Variants in ANKS1B observed in about 807,000 individuals in gnomAD.
ANKS1B encodes ankyrin repeat and sterile alpha motif domain containing 1B.
In ANKS1B, 36 loss-of-function variants were observed where a neutral mutation model predicts 148.3. That is an observed-to-expected ratio of 0.24 (90% CI 0.19 to 0.32). ANKS1B has a LOEUF of 0.32. Ranked by LOEUF, ANKS1B falls within the 10% of genes least tolerant of loss-of-function variation. ANKS1B has a pLI of 1.00. For missense variants in ANKS1B, 1,157 were observed against 1,542.6 expected, an observed-to-expected ratio of 0.75 and a Z score of 4.19; for synonymous variants, 542 against 560.8, an observed-to-expected ratio of 0.97 and a Z score of 0.47.
chr12:99,632,754 TATATATATA>T (rs2098179709), intron 9 of ANKS1B, among the ~76,000 whole-genome samples: 1 of 110,798 alleles, frequency 9.0e-6, no homozygotes, highest in Non-Finnish European at 1.8e-5. Flanking sequence ...TATATATATA[TATATATATA>T]TATATTTTAA....
At chr12:99,699,059 T>TA (rs553148137) in intron 8 of ANKS1B, among the ~76,000 whole-genome samples, 64 of 152,306 alleles carry the variant, frequency 4.2e-4, no homozygotes, top group African/African-American at 1.4e-3. Context: ...TTCATTCACT[T>TA]ATTTTTTCAT....
chr12:99,782,051 A>C lies in ANKS1B; in HGVS notation c.716T>G (p.Val239Gly). 6.2e-7 allele frequency: 1 copy of C among 1,605,796 alleles called. No individual in the cohort carries two copies. Among genetic ancestry groups the C allele is most frequent in the Non-Finnish European group, 8.5e-7 (1 of 1,176,316 alleles). The stretch of plus-strand genomic sequence containing the variant: ...TTCTAACAGAACTCGTACAACATCC[A>C]CCTTTCCAAACAAAGCTGCTTCATG... ...ALHEAALFGKVDVVRVLLETG... is the reference protein window; with the variant it reads ...ALHEAALFGKGDVVRVLLETG... Residue 239 changes from valine (V) to glycine (G), a missense_variant, in exon 5 of 27, where the codon GTG becomes GGG. Val to Gly is a moderately radical substitution (Grantham distance 109, BLOSUM62 -3). Coordinates refer to ENST00000683438, the MANE Select transcript of ANKS1B (RefSeq NM_001352186.2).
intron 10 of ANKS1B, among the ~76,000 whole-genome samples, chr12:99,448,094 G>T (rs980708803): frequency 1.3e-5 from 2 of 152,020 alleles, no homozygotes; most frequent in Non-Finnish European, 1.5e-5. Flanking sequence ...CCATCCCACT[G>T]CTGGGTATAT....
intron 9 of ANKS1B, among the ~76,000 whole-genome samples, chr12:99,615,353 TA>T (rs375688816): frequency 6.6e-6 from 1 of 151,986 alleles, no homozygotes; most frequent in African/African-American, 2.4e-5. Flanking sequence ...ATTCAATAGT[TA>T]AAAAAAATGA....
intron 14 of ANKS1B, among the ~76,000 whole-genome samples, chr12:99,170,402 T>A (rs558463161): frequency 6.6e-6 from 1 of 152,132 alleles, no homozygotes; most frequent in Non-Finnish European, 1.5e-5. Flanking sequence ...AATAGACTTG[T>A]TTCTGGGGGC....
At chr12:98,747,547 G>A (rs1190632598) in intron 26 of ANKS1B, among the ~76,000 whole-genome samples, 2 of 152,184 alleles carry the variant, frequency 1.3e-5, no homozygotes, top group Non-Finnish European at 2.9e-5. Flanking sequence ...ATAGCATGGA[G>A]GGTCCTCAAA....
At position 99,984,438 on chromosome 12, in the gene ANKS1B, C is replaced by T; in HGVS notation, c.-201G>A. 2.1e-6 allele frequency: 1 copy of T among 480,076 alleles called. No homozygotes were observed. Among genetic ancestry groups the T allele is most frequent in the Non-Finnish European group, 3.7e-6 (1 of 272,684 alleles). 29.7% of individuals were successfully genotyped at this position (480,076 alleles called of 1,614,324 possible). A position where few individuals can be genotyped will look rare whatever the true frequency, so the allele number is the denominator to read the frequency against. ...GGGGCGCAGCTTTTACAATGGGGAT[C>T]AGACCATGTCTTGAAAGAGGGGCTG... On this transcript the variant is annotated 5_prime_UTR_variant, in exon 1 of 27. It removes the in-frame stop codon of an upstream open reading frame in the 5' UTR. Coordinates refer to ENST00000683438, the MANE Select transcript of ANKS1B (RefSeq NM_001352186.2).
rs866816074 is a variant in ANKS1B at position 99,108,083 on chromosome 12, A to G, written c.2527-23060T>C. Among the ~76,000 whole-genome samples, 10 of 152,354 alleles carry G rather than the reference A, an allele frequency of 6.6e-5. No homozygotes were observed. The South Asian group carries it at 8.3e-4, about 13-fold the overall frequency. ...AGAGATGTGAGGCTCAAATGACCTT[A>G]TCCTGGTAACATAGCTACATTACTG... On this transcript the variant is annotated intron_variant, in intron 15 of 26. Coordinates refer to ENST00000683438, the MANE Select transcript of ANKS1B (RefSeq NM_001352186.2).
chr12:98,964,453 C>T (rs933038652), intron 17 of ANKS1B, among the ~76,000 whole-genome samples: 1 of 152,068 alleles, frequency 6.6e-6, no homozygotes, highest in Non-Finnish European at 1.5e-5. Flanking sequence ...TAGGTATATA[C>T]CCAAAAGAAA....
intron 8 of ANKS1B, among the ~76,000 whole-genome samples, chr12:99,657,225 C>T (rs996408): frequency 0.62 from 93,920 of 151,868 alleles, 30,346 homozygotes; most frequent in East Asian, 0.98. Context: ...GACAGAGAGG[C>T]CAAGTAAAAC....
At chr12:99,043,785 T>C (rs1598899008) in intron 17 of ANKS1B, among the ~76,000 whole-genome samples, 1 of 152,252 alleles carries the variant, frequency 6.6e-6, no homozygotes, top group Non-Finnish European at 1.5e-5. Flanking sequence ...TAATGGCTTA[T>C]ACACCATGAT....
intron 12 of ANKS1B, among the ~76,000 whole-genome samples, chr12:99,374,478 G>A (rs149683910): frequency 2.0e-5 from 3 of 152,284 alleles, no homozygotes; most frequent in African/African-American, 7.2e-5. Flanking sequence ...TGTCCAGGGT[G>A]CATTCCCATC....
intron 16 of ANKS1B, chr12:99,083,831 C>T (rs1464834430): frequency 6.6e-6 from 1 of 152,142 alleles, no homozygotes; most frequent in African/African-American, 2.4e-5. Flanking sequence ...CATCCAAGTA[C>T]TAACCAGACC....
intron 19 of ANKS1B, among the ~76,000 whole-genome samples, chr12:98,810,523 C>T (rs886891831): frequency 1.3e-5 from 2 of 152,130 alleles, no homozygotes; most frequent in Non-Finnish European, 2.9e-5. Context: ...TCCCAGCCTG[C>T]GGGATGGCCA....
At chr12:99,948,120 C>G (rs1169187135) in intron 1 of ANKS1B, among the ~76,000 whole-genome samples, 2 of 152,092 alleles carry the variant, frequency 1.3e-5, no homozygotes, top group African/African-American at 4.8e-5. Context: ...ATGGAAGTAA[C>G]AGCCATCATA....
chr12:99,281,387 TAAAAG>T (rs1208667416), intron 12 of ANKS1B, among the ~76,000 whole-genome samples: 1 of 152,154 alleles, frequency 6.6e-6, no homozygotes, highest in African/African-American at 2.4e-5. Flanking sequence ...TTTTCAAAAT[TAAAAG>T]AGAAAAGTCT....
intron 9 of ANKS1B, among the ~76,000 whole-genome samples, chr12:99,528,374 G>A (rs571516298): frequency 4.5e-4 from 68 of 150,022 alleles, no homozygotes; most frequent in Non-Finnish European, 6.7e-4. Flanking sequence ...ATTGACAAAC[G>A]GGACCTAATT....
intron 8 of ANKS1B, among the ~76,000 whole-genome samples, chr12:99,757,201 C>T (rs2061650952): frequency 6.6e-6 from 1 of 152,088 alleles, no homozygotes; most frequent in East Asian, 1.9e-4. Context: ...AACTATGCAT[C>T]CAACAAAGGT....
intron 9 of ANKS1B, among the ~76,000 whole-genome samples, chr12:99,620,343 C>A (rs1338002807): frequency 1.3e-5 from 2 of 152,088 alleles, no homozygotes; most frequent in Admixed American, 6.6e-5. Flanking sequence ...AGTGACACCA[C>A]CAAAGGATCA....
Sources: gnomAD v4.1 joint callset for allele counts (sites outside exome capture counted in the v4.1 genomes callset) on GRCh38, gnomAD v4.1.1 for gene constraint, MANE v1.5 for transcripts, NCBI Gene and HGNC (gene_info 2026-07-23, HGNC 2026-07-21) for gene names.